HDX: variants seen among roughly 807,000 people sequenced by gnomAD.
The protein encoded by HDX is chromosome X open reading frame 43.
A neutral mutation model predicts 45.2 loss-of-function variants in HDX; 19 were observed. The observed-to-expected ratio is 0.42, with a 90% CI of 0.29 to 0.62. The LOEUF (loss-of-function observed/expected upper bound fraction) is 0.62, where lower values mean the gene tolerates loss of function less well. HDX is among the 20% of genes least tolerant of loss of function. The probability of loss-of-function intolerance (pLI) is 0.20; values close to 1 mark genes in which losing one functional copy is unlikely to be tolerated. For missense variants in HDX, 532 were observed against 493.9 expected (o/e 1.08, Z -0.73); for synonymous variants, 188 against 172.8 (o/e 1.09, Z -0.69).
chrX:84,483,630 T>C (rs188021659), intron 2 of HDX, among the ~76,000 whole-genome samples: 48 of 112,610 alleles, frequency 4.3e-4, no homozygotes, highest in Admixed American at 3.6e-3. Context: ...TGAAGACCTC[T>C]GAAATGCCCG....
In HDX at chrX:84,468,589, T is replaced by A; in HGVS notation, c.1134A>T (p.Ser378=). The A allele has an allele frequency of 1.7e-6, 2 of 1,201,335 alleles. No homozygotes were observed. Among genetic ancestry groups the A allele is most frequent in the Non-Finnish European group, 2.3e-6 (2 of 885,886 alleles). The stretch of plus-strand genomic sequence containing the variant: ...ACATTGTACTAGATGCTGTATGTAA[T>A]GAGGTCCGTGGTGTCAAATGGTAGT... The part of the protein sequence containing the change: ...NRNYHLTPRT[S]LHTASSTMYS... Residue 378 remains serine, a synonymous_variant, in exon 4 of 11, where the codon TCA becomes TCT. Coordinates refer to ENST00000373177, the MANE Select transcript of HDX (RefSeq NM_001177479.2).
chrX:84,373,035 T>C (rs1184778190), intron 5 of HDX, among the ~76,000 whole-genome samples: 2 of 111,850 alleles, frequency 1.8e-5, no homozygotes, highest in Admixed American at 1.9e-4. Flanking sequence ...TGCATTAAAA[T>C]ATGTCATTTT....
intron 5 of HDX, among the ~76,000 whole-genome samples, chrX:84,429,214 T>A (rs916493369): frequency 1.8e-5 from 2 of 110,390 alleles, no homozygotes; most frequent in Admixed American, 1.9e-4. Context: ...TGTAATTTCC[T>A]ACAAAAAAGT....
At chrX:84,483,293 C>T (rs1324503563) in intron 2 of HDX, among the ~76,000 whole-genome samples, 2 of 112,347 alleles carry the variant, frequency 1.8e-5, no homozygotes, top group South Asian at 3.7e-4. Flanking sequence ...AGCAGAGGTT[C>T]TCCATGAGGG....
chrX:84,466,609 G>C (rs902637251), intron 4 of HDX, among the ~76,000 whole-genome samples: 3 of 111,937 alleles, frequency 2.7e-5, no homozygotes, highest in Non-Finnish European at 5.6e-5. Flanking sequence ...TAAAAGTTCT[G>C]TCAGAAAAAA....
chrX:84,404,983 A>G (rs1406150356), intron 5 of HDX, among the ~76,000 whole-genome samples: 1 of 111,451 alleles, frequency 9.0e-6, no homozygotes, highest in Non-Finnish European at 1.9e-5. Context: ...AAATTTTAAT[A>G]TAAGAATATT....
intron 4 of HDX, among the ~76,000 whole-genome samples, chrX:84,464,190 A>C (rs965919732): frequency 1.8e-5 from 2 of 111,544 alleles, no homozygotes; most frequent in African/African-American, 6.5e-5. Flanking sequence ...CAAATAAATG[A>C]AAAAACATTC....
intron 3 of HDX, among the ~76,000 whole-genome samples, chrX:84,473,680 C>A (rs1366744825): frequency 9.1e-6 from 1 of 109,612 alleles, no homozygotes; most frequent in East Asian, 2.9e-4. Context: ...TTTGCAATAA[C>A]ACATCGGAAA....
intron 10 of HDX, among the ~76,000 whole-genome samples, chrX:84,325,450 T>C (rs1426805762): frequency 8.9e-6 from 1 of 111,800 alleles, no homozygotes; most frequent in East Asian, 2.8e-4. Context: ...AAATTTGGTA[T>C]AATTTAATAT....
Position 84,319,567 on chromosome X carries a change from G to A in HDX, c.*2322C>T, listed in dbSNP as rs1008748542. ...TGGTGAAGAAAAATATTCTGGTGCT[G>A]AAACACAAATTTCAAGACAAAAGGA... On this transcript the variant is annotated 3_prime_UTR_variant, in exon 11 of 11. Coordinates refer to ENST00000373177, the MANE Select transcript of HDX (RefSeq NM_001177479.2). 2.7e-5 allele frequency: 3 copies of A among 110,892 alleles called. No homozygotes were observed. The highest frequency in any genetic ancestry group is 9.8e-5 in the African/African-American group (3 of 30,724). 9.1% of individuals were successfully genotyped at this position (110,892 alleles called of 1,213,427 possible).
At chrX:84,452,128 C>T (rs768608337) in intron 4 of HDX, among the ~76,000 whole-genome samples, 1 of 111,124 alleles carries the variant, frequency 9.0e-6, no homozygotes, top group South Asian at 3.8e-4. Context: ...CCTATTTTCA[C>T]CTCTCCTAGT....
intron 5 of HDX, among the ~76,000 whole-genome samples, chrX:84,367,531 A>G (rs778714913): frequency 8.9e-6 from 1 of 112,486 alleles, no homozygotes; most frequent in East Asian, 2.8e-4. Context: ...AAATCATTCT[A>G]CTGTAAAGAC....
chrX:84,337,286 T>C (rs2036987341), intron 7 of HDX, among the ~76,000 whole-genome samples: 1 of 111,179 alleles, frequency 9.0e-6, no homozygotes, highest in South Asian at 3.7e-4. Flanking sequence ...TGGATACATA[T>C]AACATTAATT....
At chrX:84,333,983 CAGTGTTACATAT>C (rs976742096) in intron 8 of HDX, 141 bp from the exon 9 acceptor site, 3 of 362,872 alleles carry the variant, frequency 8.3e-6, no homozygotes, top group Non-Finnish European at 1.5e-5. Flanking sequence ...ACTGGCTCCT[CAGTGTTACATAT>C]AGTGTGTGTC....
At chrX:84,426,849 T>G (rs1315260696) in intron 5 of HDX, among the ~76,000 whole-genome samples, 1 of 111,027 alleles carries the variant, frequency 9.0e-6, no homozygotes, top group Non-Finnish European at 1.9e-5. Context: ...GATATGCTAA[T>G]TGCTTGAGTG....
chrX:84,437,756 C>T (rs900659394), intron 5 of HDX, among the ~76,000 whole-genome samples: 2 of 111,181 alleles, frequency 1.8e-5, no homozygotes, highest in African/African-American at 6.5e-5. Context: ...AGACTAGTTG[C>T]CCATTGTGGC....
chrX:84,406,519 TA>T (rs2038831706), intron 5 of HDX, among the ~76,000 whole-genome samples: 1 of 64,687 alleles, frequency 1.5e-5, no homozygotes, highest in Non-Finnish European at 3.0e-5. Context: ...CACACACACA[TA>T]CACACACACA....
intron 5 of HDX, among the ~76,000 whole-genome samples, chrX:84,401,372 A>C (rs886572131): frequency 1.8e-5 from 2 of 112,116 alleles, no homozygotes; most frequent in Admixed American, 9.5e-5. Context: ...AAAATTAAAA[A>C]ATAACCCCAT....
At chrX:84,457,360 C>T (rs1387481588) in intron 4 of HDX, among the ~76,000 whole-genome samples, 4 of 111,195 alleles carry the variant, frequency 3.6e-5, no homozygotes, top group African/African-American at 1.3e-4. Context: ...ATTCAAGAAC[C>T]TTGAGAAATG....
Sources: allele counts gnomAD v4.1 joint callset (sites outside exome capture counted in the v4.1 genomes callset), GRCh38; gene constraint gnomAD v4.1.1; transcripts MANE v1.5; gene names NCBI Gene and HGNC (gene_info 2026-07-23, HGNC 2026-07-21).